Variants in ALS2 observed in about 807,000 individuals in gnomAD.
ALS2 encodes the protein alsin Rho guanine nucleotide exchange factor ALS2, also known as alsin.
In ALS2, 117 loss-of-function variants were observed where a neutral mutation model predicts 203.4. That is an observed-to-expected ratio of 0.58 (90% CI 0.50 to 0.67). The LOEUF (loss-of-function observed/expected upper bound fraction) is 0.67. Ranked by LOEUF, ALS2 falls within the 30% of genes least tolerant of loss-of-function variation. The probability of loss-of-function intolerance (pLI) is 0.00; values close to 1 mark genes in which losing one functional copy is unlikely to be tolerated. For synonymous variants in ALS2, 718 were observed against 725.9 expected (o/e 0.99, Z 0.17); for missense variants, 1,715 against 1,989.4 (o/e 0.86, Z 2.62).
At chr2:201,727,644 A>C in intron 16 of ALS2, 61 bp downstream of exon 16, 1 of 1,434,114 alleles carries the variant, frequency 7.0e-7, no homozygotes, top group Non-Finnish European at 9.5e-7. Context: ...TTTCACATTT[A>C]AGGAAGCAAC....
chr2:201,713,133 C>CTTTTTTTTT (rs35807671), intron 25 of ALS2, among the ~76,000 whole-genome samples: 2 of 96,248 alleles, frequency 2.1e-5, no homozygotes, highest in Non-Finnish European at 2.1e-5. Flanking sequence ...CTTTTCTTTT[C>CTTTTTTTTT]TTTTTTTTTT....
Position 201,761,469 on chromosome 2 carries a change from A to G in ALS2, c.525T>C (p.Gly175=). ...TAATGAGACCCAACTGACAACCGGTACCCCATGCCCAAATCTCTCTGCTTA... is the reference window on the plus strand; with the variant it reads ...TAATGAGACCCAACTGACAACCGGTGCCCCATGCCCAAATCTCTCTGCTTA... ...LSISREIWAW[G]TGCQLGLITT... Residue 175 remains glycine, a synonymous_variant, in exon 4 of 34, where the codon GGT becomes GGC. Transcript: ENST00000264276. The G allele has an allele frequency of 6.2e-7, 1 of 1,608,808 alleles. No homozygotes were observed. The highest frequency in any genetic ancestry group is 1.1e-5 in the South Asian group (1 of 90,942).
intron 4 of ALS2, chr2:201,759,603 T>C (rs1184924865): frequency 2.4e-5 from 24 of 984,078 alleles, no homozygotes; most frequent in Non-Finnish European, 2.9e-5. Flanking sequence ...GTTAAACTAC[T>C]ACTTTTGCTT....
intron 27 of ALS2, 27 bp downstream of exon 27, chr2:201,709,854 G>T: frequency 6.2e-7 from 1 of 1,613,288 alleles, no homozygotes; most frequent in East Asian, 2.2e-5. Flanking sequence ...TCCATAGCCC[G>T]CAGACTTTAG....
chr2:201,778,922 C>G (rs958996353), intron 1 of ALS2, among the ~76,000 whole-genome samples: 4 of 152,118 alleles, frequency 2.6e-5, no homozygotes, highest in Admixed American at 2.6e-4. Context: ...TTTTTCAACT[C>G]ATACTTTACC....
rs756872815 is a variant in ALS2 at position 201,757,688 on chromosome 2, C to T, written c.1185G>A (p.Leu395=). 1.9e-6 allele frequency: 3 copies of T among 1,613,942 alleles called. No homozygotes were observed. In the South Asian group the frequency reaches 3.3e-5, roughly 18 times the overall value. ...PTTSTSALNS[L]VVSCASAVGV... The stretch of plus-strand genomic sequence containing the variant: ...CAACAGCAGATGCACAAGAGACCAC[C>T]AGGCTGTTTAGGGCTGAGGTGCTTG... Residue 395 remains leucine, a synonymous_variant, in exon 5 of 34, where the codon CTG becomes CTA. Coordinates refer to ENST00000264276, the MANE Select transcript of ALS2 (RefSeq NM_020919.4).
chr2:201,728,970 G>A, intron 14 of ALS2, 82 bp downstream of exon 14: 1 of 1,604,294 alleles, frequency 6.2e-7, no homozygotes, highest in Non-Finnish European at 8.5e-7. Flanking sequence ...ACAAACAAGT[G>A]AGGAACAGAG....
chr2:201,720,225 G>A (rs946185265), intron 23 of ALS2: 6 of 361,986 alleles, frequency 1.7e-5, no homozygotes, highest in African/African-American at 2.3e-5. Flanking sequence ...CAAAATATTC[G>A]CATTAAATCC....
At position 201,754,417 on chromosome 2, in the gene ALS2, T is replaced by C. The variant is rs1693257941; in HGVS notation, c.1640+86A>G. ...GCTAGAAGAGCCCAGATTTCCTCTA[T>C]GAGGAAAGTGAGATTTAGAGACCTT... is the stretch of plus-strand genomic sequence containing the variant. On this transcript the variant is annotated intron_variant, in intron 6 of 33. Transcript: ENST00000264276. 4.0e-6 allele frequency: 6 copies of C among 1,505,118 alleles called. No homozygotes were observed. The African/African-American group carries it at 4.1e-5, about 10-fold the overall frequency. The allele number at this position is 1,505,118 out of a possible 1,614,324, so 93.2% of individuals were successfully genotyped here.
At chr2:201,754,305 G>T (rs1297258959) in intron 6 of ALS2, among the ~76,000 whole-genome samples, 198 bp downstream of exon 6, 1 of 152,228 alleles carries the variant, frequency 6.6e-6, no homozygotes, top group South Asian at 2.1e-4. Context: ...GAGCCACCAG[G>T]CCTGGCCAAG....
At chr2:201,710,939 G>T in intron 26 of ALS2, 52 bp downstream of exon 26, 2 of 1,057,204 alleles carry the variant, frequency 1.9e-6, no homozygotes, top group Non-Finnish European at 1.5e-6. Flanking sequence ...GATATATTGT[G>T]GTAGGTGAAT....
At chr2:201,779,352 CTATAAT>C (rs1171068414) in intron 1 of ALS2, among the ~76,000 whole-genome samples, 2 of 152,130 alleles carry the variant, frequency 1.3e-5, no homozygotes, top group African/African-American at 4.8e-5. Flanking sequence ...CGTTTTCTTG[CTATAAT>C]TATGAATTTT....
At chr2:201,727,157 A>G in intron 17 of ALS2, 55 bp downstream of exon 17, 2 of 1,388,862 alleles carry the variant, frequency 1.4e-6, no homozygotes, top group Non-Finnish European at 2.1e-6. Context: ...TTTATTACAC[A>G]AGAGGCAGAA....
intron 12 of ALS2, among the ~76,000 whole-genome samples, chr2:201,737,438 A>G (rs1196241753): frequency 6.6e-6 from 1 of 152,212 alleles, no homozygotes; most frequent in Non-Finnish European, 1.5e-5. Flanking sequence ...TGGAATTTGG[A>G]AACTCAGATA....
intron 23 of ALS2, chr2:201,722,721 G>C: frequency 3.2e-6 from 1 of 311,880 alleles, no homozygotes; most frequent in South Asian, 4.8e-5. Flanking sequence ...GCCACATAGA[G>C]GAGATTGCAT....
chr2:201,753,203 T>C lies in ALS2; in HGVS notation c.1680A>G (p.Glu560=). The C allele has an allele frequency of 1.2e-6, 2 of 1,614,178 alleles. No homozygotes were observed. The highest frequency in any genetic ancestry group is 2.2e-5 in the East Asian group (1 of 44,878). Residue 560 remains glutamate, a synonymous_variant, in exon 7 of 34, where the codon GAA becomes GAG. Coordinates refer to ENST00000264276, the MANE Select transcript of ALS2 (RefSeq NM_020919.4). Reference sequence around the variant, plus strand: ...AACCACCTGCCTCCAGATGGATTACTTCTTTGCCATCCAGACATTTTACAC... The same window carrying C: ...AACCACCTGCCTCCAGATGGATTACCTCTTTGCCATCCAGACATTTTACAC... ...PLCVKCLDGK[E]VIHLEAGGYH...
chr2:201,734,467 C>CAAAA (rs576164468), intron 12 of ALS2, among the ~76,000 whole-genome samples: 1 of 132,352 alleles, frequency 7.6e-6, no homozygotes, highest in Non-Finnish European at 1.6e-5. Flanking sequence ...CAGCCTGTCT[C>CAAAA]AAAAAAAAAA....
chr2:201,771,772 C>T (rs1207818688), intron 1 of ALS2, among the ~76,000 whole-genome samples: 2 of 152,100 alleles, frequency 1.3e-5, no homozygotes, highest in East Asian at 3.9e-4. Flanking sequence ...ATAAAACTTC[C>T]TCTGGGGATA....
At chr2:201,766,437 G>A (rs1428324402) in intron 3 of ALS2, among the ~76,000 whole-genome samples, 1 of 151,866 alleles carries the variant, frequency 6.6e-6, no homozygotes, top group Non-Finnish European at 1.5e-5. Flanking sequence ...CCTGAGGTCA[G>A]GAGTTCAAGA....
Sources: allele counts gnomAD v4.1 joint callset (sites outside exome capture counted in the v4.1 genomes callset), GRCh38; gene constraint gnomAD v4.1.1; transcripts MANE v1.5; gene names NCBI Gene and HGNC (gene_info 2026-07-23, HGNC 2026-07-21).